MYOT: variants seen among roughly 807,000 people sequenced by gnomAD.
MYOT encodes the protein 57 kDa cytoskeletal protein.
MYOT carries 36 observed loss-of-function variants against 58.0 expected under a neutral mutation model. The observed-to-expected ratio is 0.62, with a 90% CI of 0.48 to 0.82. The LOEUF (loss-of-function observed/expected upper bound fraction) is 0.82, where lower values mean the gene tolerates loss of function less well. Ranked by LOEUF, MYOT falls within the 40% of genes least tolerant of loss-of-function variation. The pLI is 0.00. For synonymous variants in MYOT, 218 were observed against 204.6 expected (o/e 1.07, Z -0.56); for missense variants, 505 against 592.1 (o/e 0.85, Z 1.53).
intron 2 of MYOT, 35 bp from the exon 3 acceptor site, chr5:137,875,791 CCTT>C (rs1561659739): frequency 6.2e-7 from 1 of 1,607,670 alleles, no homozygotes; most frequent in South Asian, 1.1e-5. Flanking sequence ...GAGGCCAAGA[CCTT>C]CTTTTTAAAA....
chr5:137,870,585 C>A lies in MYOT; in HGVS notation c.-67C>A. 1 of 1,435,090 alleles carries A rather than the reference C, an allele frequency of 7.0e-7. No individual in the cohort carries two copies. Among genetic ancestry groups the A allele is most frequent in the Non-Finnish European group, 9.8e-7 (1 of 1,017,318 alleles). The allele number at this position is 1,435,090 out of a possible 1,614,324, so 88.9% of individuals were successfully genotyped here. On this transcript the variant is annotated 5_prime_UTR_variant, in exon 2 of 10. Coordinates refer to ENST00000239926, the MANE Select transcript of MYOT (RefSeq NM_006790.3). The stretch of plus-strand genomic sequence containing the variant: ...CAGGCTTGTGGCCCCAAATTCAGGG[C>A]CCCACCCTTCCAGGAACAAATCATT...
chr5:137,879,760 T>C (rs909504275), intron 4 of MYOT, among the ~76,000 whole-genome samples: 1 of 149,114 alleles, frequency 6.7e-6, no homozygotes, highest in African/African-American at 2.5e-5. Context: ...ATGGTCTCGA[T>C]CTCCTGACCT....
chr5:137,887,502 AGT>A lies in MYOT; in HGVS notation c.*118_*119del. ...GATTATGGTTTTAATTAGGTAATAT[AGT>A]TAATATATATTTATAATATTATTTA... On this transcript the variant is annotated 3_prime_UTR_variant, in exon 10 of 10. Transcript: ENST00000239926. 1 of 773,356 alleles carries A rather than the reference AGT, an allele frequency of 1.3e-6. No homozygotes were observed. Among genetic ancestry groups the A allele is most frequent in the Non-Finnish European group, 2.0e-6 (1 of 507,140 alleles). The allele number at this position is 773,356 out of a possible 1,614,324, so 47.9% of individuals were successfully genotyped here. A position where few individuals can be genotyped will look rare whatever the true frequency, so the allele number is the denominator to read the frequency against.
chr5:137,878,808 G>C (rs1755319278), intron 4 of MYOT, among the ~76,000 whole-genome samples: 1 of 152,072 alleles, frequency 6.6e-6, no homozygotes, highest in African/African-American at 2.4e-5. Context: ...GGGTGAGAGA[G>C]AGACTCCATC....
intron 3 of MYOT, among the ~76,000 whole-genome samples, 153 bp from the exon 4 acceptor site, chr5:137,877,367 C>CAAAAAAA (rs1172576383): frequency 7.1e-5 from 3 of 42,084 alleles, no homozygotes; most frequent in Admixed American, 4.5e-4. Context: ...GACTCCGTCT[C>CAAAAAAA]AAAAAAAAAA....
chr5:137,875,839 T>A lies in MYOT; in HGVS notation c.367T>A (p.Ser123Thr), dbSNP rs780963467. The A allele has an allele frequency of 2.5e-6, 4 of 1,613,930 alleles. No individual in the cohort carries two copies. The Admixed American group carries it at 6.7e-5, about 27-fold the overall frequency. The part of the protein sequence containing the change: ...PSAMDSNYQQ[S>T]SAGQPINAKP... ...TTTTCCTTTTTAAAGCTATCAACAG[T>A]CCTCAGCTGGCCAACCTATAAATGC... The change falls in exon 3 of 10, where the codon TCC becomes ACC. Residue 123 changes from serine to threonine, a missense_variant. Ser to Thr is a moderately conservative substitution (Grantham distance 58). Transcript: ENST00000239926.
chr5:137,871,036 C>G (rs1755035728), intron 2 of MYOT, 29 bp downstream of exon 2: 1 of 1,581,012 alleles, frequency 6.3e-7, no homozygotes, highest in Non-Finnish European at 8.7e-7. Flanking sequence ...ACCGCATGTA[C>G]AGTGAACTTA....
intron 2 of MYOT, among the ~76,000 whole-genome samples, chr5:137,872,348 T>C (rs1290932075): frequency 2.0e-5 from 3 of 152,246 alleles, no homozygotes; most frequent in African/African-American, 4.8e-5. Flanking sequence ...ATTATTTCCA[T>C]ATTTCCTATA....
At chr5:137,883,985 A>T (rs1271341385) in intron 7 of MYOT, among the ~76,000 whole-genome samples, 2 of 152,210 alleles carry the variant, frequency 1.3e-5, no homozygotes, top group Non-Finnish European at 2.9e-5. Context: ...GGATAATAAA[A>T]ATAACCAATC....
intron 1 of MYOT, among the ~76,000 whole-genome samples, chr5:137,869,549 A>G (rs1754974639): frequency 6.6e-6 from 1 of 152,224 alleles, no homozygotes; most frequent in Admixed American, 6.5e-5. Context: ...GGTAAGGTAT[A>G]GACTAGTTTC....
rs748654548 is a variant in MYOT at position 137,883,609 on chromosome 5, C to A, written c.1024+18C>A. The A allele has an allele frequency of 5.0e-6, 8 of 1,606,440 alleles. No homozygotes were observed. Among genetic ancestry groups the A allele is most frequent in the Non-Finnish European group, 6.0e-6 (7 of 1,173,150 alleles). ...TGTCCTTGGTAAGCCTCCAAAGAGA[C>A]CCTTGAGAATTCCTTAAAATCCAGA... On this transcript the variant is annotated intron_variant, in intron 7 of 9. Transcript: ENST00000239926.
intron 2 of MYOT, among the ~76,000 whole-genome samples, chr5:137,874,147 C>A (rs1755135300): frequency 6.6e-6 from 1 of 152,110 alleles, no homozygotes; most frequent in Admixed American, 6.6e-5. Flanking sequence ...TGGCTAGTTT[C>A]CTCACATTAA....
intron 8 of MYOT, 98 bp from the exon 9 acceptor site, chr5:137,886,766 T>C (rs1755613809): frequency 2.2e-6 from 2 of 922,728 alleles, no homozygotes; most frequent in East Asian, 5.2e-5. Flanking sequence ...TTTGGAATTT[T>C]CAAATGTTTT....
chr5:137,879,685 C>T lies in MYOT; in HGVS notation c.634-1131C>T, dbSNP rs1755356284. On this transcript the variant is annotated intron_variant, in intron 4 of 9. Transcript: ENST00000239926. Reference sequence around the variant, plus strand: ...GACTACAGGCACCTGCCACCACACCCGGCTTTTTTTTTTTTTTTTTTTTTG... The same window carrying T: ...GACTACAGGCACCTGCCACCACACCTGGCTTTTTTTTTTTTTTTTTTTTTG... Among the ~76,000 whole-genome samples the T allele has an allele frequency of 3.5e-5, 5 of 141,614 alleles. No individual in the cohort carries two copies. The South Asian group carries it at 1.1e-3, about 32-fold the overall frequency. 92.9% of individuals were successfully genotyped at this position (141,614 alleles called of 152,430 possible).
chr5:137,871,718 T>C (rs191448427), intron 2 of MYOT, among the ~76,000 whole-genome samples: 38 of 152,342 alleles, frequency 2.5e-4, no homozygotes, highest in Admixed American at 1.9e-3. Flanking sequence ...TGTAAACATG[T>C]GCTATTTCCA....
chr5:137,886,578 G>A (rs1339480512), intron 8 of MYOT: 4 of 368,000 alleles, frequency 1.1e-5, no homozygotes, highest in Non-Finnish European at 2.0e-5. Context: ...GACAGATAAC[G>A]GAACAGGTCA....
chr5:137,872,645 T>C (rs1398825962), intron 2 of MYOT, among the ~76,000 whole-genome samples: 1 of 152,296 alleles, frequency 6.6e-6, no homozygotes, highest in East Asian at 1.9e-4. Context: ...CTTTGAACAT[T>C]TGTGCACAAC....
intron 4 of MYOT, among the ~76,000 whole-genome samples, chr5:137,879,877 T>C (rs924886579): frequency 1.3e-5 from 2 of 152,036 alleles, no homozygotes; most frequent in Admixed American, 1.3e-4. Flanking sequence ...ACCAAAAAAT[T>C]AGTTGATTTG....
intron 1 of MYOT, among the ~76,000 whole-genome samples, chr5:137,868,821 A>G (rs1009741154): frequency 6.6e-6 from 1 of 152,054 alleles, no homozygotes; most frequent in Non-Finnish European, 1.5e-5. Context: ...CTTTTTTTTT[A>G]GATCTACTCA....
Sources: gnomAD v4.1 joint callset for allele counts (sites outside exome capture counted in the v4.1 genomes callset) on GRCh38, gnomAD v4.1.1 for gene constraint, MANE v1.5 for transcripts, NCBI Gene and HGNC (gene_info 2026-07-23, HGNC 2026-07-21) for gene names.